The following PDGFD variants were observed in gnomAD, a reference collection of about 807,000 sequenced individuals.
The protein encoded by PDGFD is platelet derived growth factor D, also known as platelet-derived growth factor D.
Under a neutral mutation model 44.7 loss-of-function variants are expected in PDGFD, and 30 were observed. The ratio of observed to expected loss-of-function variants is 0.67; its 90% confidence interval spans 0.50 to 0.91. The LOEUF (loss-of-function observed/expected upper bound fraction) is 0.91, where lower values mean the gene tolerates loss of function less well. PDGFD is among the 40% of genes least tolerant of loss of function. The pLI, the probability that PDGFD is intolerant of heterozygous loss-of-function variation, is 0.00. For synonymous variants in PDGFD, 173 were observed against 168.4 expected, an observed-to-expected ratio of 1.03 and a Z score of -0.21; for missense variants, 445 against 457.8, an observed-to-expected ratio of 0.97 and a Z score of 0.25.
At chr11:104,129,406 TG>T (rs1468863901) in intron 1 of PDGFD, among the ~76,000 whole-genome samples, 1 of 152,148 alleles carries the variant, frequency 6.6e-6, no homozygotes, top group Non-Finnish European at 1.5e-5. Flanking sequence ...CGTTTCCTCC[TG>T]TGATCATCTT....
intron 3 of PDGFD, among the ~76,000 whole-genome samples, chr11:103,962,887 TA>T (rs1209919224): frequency 6.6e-6 from 1 of 152,104 alleles, no homozygotes; most frequent in African/African-American, 2.4e-5. Flanking sequence ...TCTAACATAT[TA>T]TTTTTTTTAT....
chr11:103,998,921 A>T (rs1310727895), intron 2 of PDGFD, among the ~76,000 whole-genome samples: 3 of 152,220 alleles, frequency 2.0e-5, no homozygotes, highest in African/African-American at 7.2e-5. Context: ...TACCCTCCAC[A>T]TCATCACCTT....
rs1228858674 is a variant in PDGFD, at chr11:104,033,035, A to C, written c.125-32780T>G. On this transcript the variant is annotated intron_variant, in intron 1 of 6. Transcript: ENST00000393158. ...TGATAGGGATTTACGGTATAACAAC[A>C]GTTTATGTTTAGGGGTGTGTGTGTG... is the stretch of plus-strand genomic sequence containing the variant. 4.7e-5 allele frequency among the ~76,000 whole-genome samples: 7 copies of C among 148,594 alleles called. No individual in the cohort carries two copies. In the South Asian group the frequency reaches 1.5e-3, roughly 32 times the overall value.
intron 6 of PDGFD, among the ~76,000 whole-genome samples, chr11:103,914,976 C>G (rs1027049800): frequency 6.6e-6 from 1 of 152,102 alleles, no homozygotes; most frequent in Non-Finnish European, 1.5e-5. Context: ...TTATACAAAC[C>G]CACAGCCAAT....
At chr11:104,104,548 C>T (rs1020078219) in intron 1 of PDGFD, among the ~76,000 whole-genome samples, 2 of 152,024 alleles carry the variant, frequency 1.3e-5, no homozygotes, top group East Asian at 1.9e-4. Flanking sequence ...CATTGTGTTA[C>T]GACTGCCCAC....
At chr11:103,927,781 C>T (rs1440741935) in intron 5 of PDGFD, among the ~76,000 whole-genome samples, 2 of 152,148 alleles carry the variant, frequency 1.3e-5, no homozygotes, top group Admixed American at 1.3e-4. Flanking sequence ...GTTACAACTG[C>T]CTTCAATCAC....
intron 1 of PDGFD, among the ~76,000 whole-genome samples, chr11:104,009,429 C>CATT (rs58324746): frequency 0.059 from 8,723 of 148,790 alleles, 399 homozygotes; most frequent in East Asian, 0.25. Flanking sequence ...CTTGCAAATG[C>CATT]ATTATTATTA....
intron 1 of PDGFD, among the ~76,000 whole-genome samples, chr11:104,121,550 G>T (rs1219490386): frequency 6.6e-6 from 1 of 151,854 alleles, no homozygotes; most frequent in African/African-American, 2.4e-5. Context: ...AGTAAAAAAT[G>T]AATTACTACA....
chr11:103,909,421 T>A lies in PDGFD; in HGVS notation c.*273A>T. 1 of 368,262 alleles carries A rather than the reference T, an allele frequency of 2.7e-6. No homozygotes were observed. Among genetic ancestry groups the A allele is most frequent in the South Asian group, 4.1e-5 (1 of 24,478 alleles). The allele number at this position is 368,262 out of a possible 1,614,324, so 22.8% of individuals were successfully genotyped here. A position where few individuals can be genotyped will look rare whatever the true frequency, so the allele number is the denominator to read the frequency against. Reference sequence around the variant, plus strand: ...AAAAAACATTTGATCTATATACACATAGACATGAATATATTTCTGTGTGTG... The same window carrying A: ...AAAAAACATTTGATCTATATACACAAAGACATGAATATATTTCTGTGTGTG... On this transcript the variant is annotated 3_prime_UTR_variant, in exon 7 of 7. Transcript: ENST00000393158.
In PDGFD at chr11:104,037,629, C is replaced by T. The variant is rs1319511111; in HGVS notation, c.125-37374G>A. ...CGGGCGCCCAGATGACCATTATGAGCCAGGCTTGTGCCGAGCGATGTAACA... is the reference window on the plus strand; with the variant it reads ...CGGGCGCCCAGATGACCATTATGAGTCAGGCTTGTGCCGAGCGATGTAACA... On this transcript the variant is annotated intron_variant, in intron 1 of 6. Transcript: ENST00000393158. 5 of 1,613,940 alleles carry T rather than the reference C, an allele frequency of 3.1e-6. No homozygotes were observed. In the African/African-American group the frequency reaches 6.7e-5, roughly 22 times the overall value.
At chr11:104,145,313 T>G (rs1041382190) in intron 1 of PDGFD, among the ~76,000 whole-genome samples, 1 of 152,230 alleles carries the variant, frequency 6.6e-6, no homozygotes, top group East Asian at 1.9e-4. Flanking sequence ...ATGCAATACA[T>G]GCATCTCTTT....
rs1859854918 is a variant in PDGFD, at chr11:104,016,068, T to C, written c.125-15813A>G. On this transcript the variant is annotated intron_variant, in intron 1 of 6. Coordinates refer to ENST00000393158, the MANE Select transcript of PDGFD (RefSeq NM_025208.5). ...GGCAGAGGTCTTTTTATTTGCACAGTATCACATGCTTAATGAATCTGCTGG... is the reference window on the plus strand; with the variant it reads ...GGCAGAGGTCTTTTTATTTGCACAGCATCACATGCTTAATGAATCTGCTGG... Among the ~76,000 whole-genome samples the C allele has an allele frequency of 2.0e-5, 3 of 152,218 alleles. No individual in the cohort carries two copies. The South Asian group carries it at 6.2e-4, about 32-fold the overall frequency.
rs116600785 is a variant in PDGFD, at chr11:103,943,003, C to T, written c.772+449G>A. On this transcript the variant is annotated intron_variant, in intron 5 of 6. Coordinates refer to ENST00000393158, the MANE Select transcript of PDGFD (RefSeq NM_025208.5). Reference sequence around the variant, plus strand: ...CAAACTATGACCTATATATCTTTCACGGGACCAAACCCTTCTTAGTCTGAT... The same window carrying T: ...CAAACTATGACCTATATATCTTTCATGGGACCAAACCCTTCTTAGTCTGAT... Among the ~76,000 whole-genome samples the T allele has an allele frequency of 5.3e-3, 804 of 152,126 alleles. 8 individuals are homozygous for T. Among genetic ancestry groups the T allele is most frequent in the African/African-American group, 0.019 (768 of 41,494 alleles).
At chr11:103,957,461 A>G (rs889025262) in intron 3 of PDGFD, among the ~76,000 whole-genome samples, 1 of 152,200 alleles carries the variant, frequency 6.6e-6, no homozygotes, top group Non-Finnish European at 1.5e-5. Context: ...ACCTGACTTC[A>G]AACTATACTA....
chr11:104,098,508 T>TC lies in PDGFD; in HGVS notation c.124+65295_124+65296insG, dbSNP rs1861318577. 4.7e-3 allele frequency among the ~76,000 whole-genome samples: 5 copies of TC among 1,064 alleles called. No homozygotes were observed. The South Asian group carries it at 0.23, about 48-fold the overall frequency. 0.7% of individuals were successfully genotyped at this position (1,064 alleles called of 152,430 possible). A position where few individuals can be genotyped will look rare whatever the true frequency, so the allele number is the denominator to read the frequency against. ...GGGAAATATTTTCCTTCTGTTTCTC[T>TC]TTTTTTTTTTTTTTGAGACAGGGTC... On this transcript the variant is annotated intron_variant, in intron 1 of 6. Transcript: ENST00000393158.
Position 103,909,197 on chromosome 11 carries a change from A to G in PDGFD, c.*497T>C, listed in dbSNP as rs1414618478. ...ATATGTAAGAAAGCCTCATCTTTTG[A>G]TTTTTAATATACAAGATGCTTTCTT... On this transcript the variant is annotated 3_prime_UTR_variant, in exon 7 of 7. Transcript: ENST00000393158. The G allele has an allele frequency of 6.5e-6, 1 of 152,730 alleles. No homozygotes were observed. The highest frequency in any genetic ancestry group is 1.5e-5 in the Non-Finnish European group (1 of 68,404). 9.5% of individuals were successfully genotyped at this position (152,730 alleles called of 1,614,324 possible).
intron 3 of PDGFD, among the ~76,000 whole-genome samples, chr11:103,982,335 C>A (rs1018530829): frequency 6.6e-6 from 1 of 151,754 alleles, no homozygotes; most frequent in Non-Finnish European, 1.5e-5. Context: ...GTTGGTTCAG[C>A]CCAGTTAAAT....
At chr11:103,915,390 G>A (rs536764668) in intron 6 of PDGFD, among the ~76,000 whole-genome samples, 9 of 152,160 alleles carry the variant, frequency 5.9e-5, no homozygotes, top group Admixed American at 5.9e-4. Flanking sequence ...CAACTTACAA[G>A]GGACACGTAG....
Position 104,119,940 on chromosome 11 carries a change from A to T in PDGFD, c.124+43864T>A, listed in dbSNP as rs1318987432. 2.9e-5 allele frequency among the ~76,000 whole-genome samples: 4 copies of T among 137,472 alleles called. No individual in the cohort carries two copies. The East Asian group carries it at 8.5e-4, about 29-fold the overall frequency. The allele number at this position is 137,472 out of a possible 152,430, so 90.2% of individuals were successfully genotyped here. A position where few individuals can be genotyped will look rare whatever the true frequency, so the allele number is the denominator to read the frequency against. On this transcript the variant is annotated intron_variant, in intron 1 of 6. Coordinates refer to ENST00000393158, the MANE Select transcript of PDGFD (RefSeq NM_025208.5). The stretch of plus-strand genomic sequence containing the variant: ...ATTATATATTATATAATTAAATTAT[A>T]TAATATATAAGTTATTATATATTTA...
Sources: gnomAD v4.1 joint callset for allele counts (sites outside exome capture counted in the v4.1 genomes callset) on GRCh38, gnomAD v4.1.1 for gene constraint, MANE v1.5 for transcripts, NCBI Gene and HGNC (gene_info 2026-07-23, HGNC 2026-07-21) for gene names.